ADGRB3: variants seen among roughly 807,000 people sequenced by gnomAD.
The protein encoded by ADGRB3 is adhesion G protein-coupled receptor B3.
Under a neutral mutation model 193.4 loss-of-function variants are expected in ADGRB3, and 37 were observed. That is an observed-to-expected ratio of 0.19 (90% CI 0.15 to 0.25). ADGRB3 has a LOEUF of 0.25. Among genes scored for constraint, ADGRB3 ranks in the 10% least tolerant of loss-of-function variants. The pLI is 1.00. For missense variants in ADGRB3, 1,637 were observed against 1,852.9 expected (o/e 0.88, Z 2.14); for synonymous variants, 690 against 644.2 (o/e 1.07, Z -1.08).
chr6:69,013,767 A>G (rs1770010494), intron 11 of ADGRB3, among the ~76,000 whole-genome samples: 1 of 152,098 alleles, frequency 6.6e-6, no homozygotes, highest in African/African-American at 2.4e-5. Context: ...AGAGTGGAAT[A>G]TAGATACTAT....
At chr6:69,114,853 A>G (rs1279583777) in intron 17 of ADGRB3, among the ~76,000 whole-genome samples, 1 of 152,246 alleles carries the variant, frequency 6.6e-6, no homozygotes, top group East Asian at 1.9e-4. Flanking sequence ...AATGCTCATC[A>G]TCACTGGTCA....
chr6:68,646,399 C>A (rs920335019), intron 3 of ADGRB3, among the ~76,000 whole-genome samples: 2 of 150,904 alleles, frequency 1.3e-5, no homozygotes, highest in East Asian at 3.9e-4. Flanking sequence ...ACAGCTTGAA[C>A]CCAGGAGGAG....
intron 20 of ADGRB3, among the ~76,000 whole-genome samples, chr6:69,301,831 A>G (rs928774825): frequency 1.3e-5 from 2 of 151,958 alleles, no homozygotes; most frequent in African/African-American, 4.8e-5. Context: ...GTGAAAATTC[A>G]GCTTTTATGT....
intron 4 of ADGRB3, among the ~76,000 whole-genome samples, chr6:68,935,466 T>G (rs1767462255): frequency 6.6e-6 from 1 of 152,156 alleles, no homozygotes; most frequent in Non-Finnish European, 1.5e-5. Context: ...AACAGAAACA[T>G]AAAATATTGT....
intron 17 of ADGRB3, chr6:69,232,643 C>T (rs1766168341): frequency 2.0e-6 from 3 of 1,532,532 alleles, no homozygotes; most frequent in Non-Finnish European, 2.6e-6. Flanking sequence ...TGAAACCCAC[C>T]CCTCCCCTGG....
chr6:69,347,383 G>T (rs1769121893), intron 26 of ADGRB3, among the ~76,000 whole-genome samples: 1 of 152,108 alleles, frequency 6.6e-6, no homozygotes, highest in Admixed American at 6.6e-5. Context: ...ATTAAGCAAG[G>T]TGGGAGTTGG....
rs930970821 is a variant in ADGRB3 at position 68,787,690 on chromosome 6, C to T, written c.758-142869C>T. Among the ~76,000 whole-genome samples, 7 of 152,066 alleles carry T rather than the reference C, an allele frequency of 4.6e-5. No individual in the cohort carries two copies. The South Asian group carries it at 6.2e-4, about 14-fold the overall frequency. On this transcript the variant is annotated intron_variant, in intron 3 of 31. Coordinates refer to ENST00000370598, the MANE Select transcript of ADGRB3 (RefSeq NM_001704.3). ...TCATAAAATGAGTTAGGGAGGATTC[C>T]CTCTTTTTCTATTGATTGGAATAGT...
intron 8 of ADGRB3, among the ~76,000 whole-genome samples, chr6:68,962,294 C>A (rs1210401536): frequency 2.0e-5 from 3 of 152,134 alleles, no homozygotes; most frequent in African/African-American, 7.2e-5. Flanking sequence ...GTCTACAGTT[C>A]TGCAGCAAAT....
chr6:69,215,764 C>CTTAAAGA (rs1765762005), intron 17 of ADGRB3, among the ~76,000 whole-genome samples: 1 of 152,096 alleles, frequency 6.6e-6, no homozygotes, highest in African/African-American at 2.4e-5. Context: ...TTACAGCTGA[C>CTTAAAGA]TTAAAGATCT....
At chr6:69,247,576 A>G (rs1766524375) in intron 20 of ADGRB3, among the ~76,000 whole-genome samples, 1 of 152,118 alleles carries the variant, frequency 6.6e-6, no homozygotes, top group Non-Finnish European at 1.5e-5. Context: ...TTTAGCTCCT[A>G]CAACACTCCT....
At chr6:68,899,736 A>T (rs955100159) in intron 3 of ADGRB3, among the ~76,000 whole-genome samples, 7 of 152,076 alleles carry the variant, frequency 4.6e-5, no homozygotes, top group Non-Finnish European at 7.4e-5. Flanking sequence ...ACTGTAGGCC[A>T]AATGGACTAA....
intron 3 of ADGRB3, among the ~76,000 whole-genome samples, chr6:68,645,593 T>C (rs1211593989): frequency 6.6e-6 from 1 of 152,196 alleles, no homozygotes; most frequent in East Asian, 1.9e-4. Context: ...GAATAATACC[T>C]ACTGCAATGG....
intron 3 of ADGRB3, among the ~76,000 whole-genome samples, chr6:68,824,193 CTT>C (rs1767799013): frequency 1.3e-5 from 2 of 149,272 alleles, no homozygotes. Context: ...CTAGATGAGA[CTT>C]ATTCTATTTG....
chr6:68,946,327 G>A (rs1323684324), intron 6 of ADGRB3, among the ~76,000 whole-genome samples: 1 of 152,022 alleles, frequency 6.6e-6, no homozygotes, highest in Non-Finnish European at 1.5e-5. Flanking sequence ...CACCTTCACT[G>A]GGTATGAAAG....
intron 3 of ADGRB3, among the ~76,000 whole-genome samples, chr6:68,748,094 C>T (rs1303501864): frequency 6.6e-6 from 1 of 152,096 alleles, no homozygotes; most frequent in East Asian, 1.9e-4. Flanking sequence ...TGGGTCCCTC[C>T]CACACACATG....
chr6:68,858,943 G>T (rs563447670), intron 3 of ADGRB3, among the ~76,000 whole-genome samples: 1 of 152,132 alleles, frequency 6.6e-6, no homozygotes, highest in South Asian at 2.1e-4. Context: ...TTAGCATTTG[G>T]CTCCTTATTA....
chr6:69,001,806 A>G (rs754282506), intron 11 of ADGRB3, among the ~76,000 whole-genome samples: 1 of 152,180 alleles, frequency 6.6e-6, no homozygotes, highest in Non-Finnish European at 1.5e-5. Context: ...ACTTCTGTGG[A>G]CCTAACAGAA....
chr6:68,943,402 A>G (rs1244561355), intron 5 of ADGRB3, among the ~76,000 whole-genome samples: 1 of 152,122 alleles, frequency 6.6e-6, no homozygotes, highest in African/African-American at 2.4e-5. Context: ...AAAATTTTAT[A>G]AATGTTAGGA....
chr6:68,636,324 A>C (rs557190286), intron 1 of ADGRB3, among the ~76,000 whole-genome samples: 8 of 152,080 alleles, frequency 5.3e-5, no homozygotes, highest in Admixed American at 4.6e-4. Flanking sequence ...TGGGTCTTCT[A>C]TTGGGGGGAA....
Sources: gnomAD v4.1 joint callset for allele counts (sites outside exome capture counted in the v4.1 genomes callset) on GRCh38, gnomAD v4.1.1 for gene constraint, MANE v1.5 for transcripts, NCBI Gene and HGNC (gene_info 2026-07-23, HGNC 2026-07-21) for gene names.